TRMO: variants seen among roughly 807,000 people sequenced by gnomAD.
TRMO encodes the protein tRNA methyltransferase O.
Under a neutral mutation model 37.2 loss-of-function variants are expected in TRMO, and 30 were observed. The observed-to-expected ratio is 0.81, with a 90% CI of 0.60 to 1.09. The LOEUF is 1.09. TRMO is among the 50% of genes least tolerant of loss of function. The pLI is 0.00. For synonymous variants in TRMO, 239 were observed against 199.4 expected, an observed-to-expected ratio of 1.20 and a Z score of -1.67; for missense variants, 552 against 549.5, an observed-to-expected ratio of 1.00 and a Z score of -0.05.
chr9:97,922,449 C>T lies in TRMO; in HGVS notation c.45G>A (p.Pro15=), dbSNP rs139234146. ...EESGPRPTAT[P]CGCVKPALET... ...CCAGAGCCGGCTTAACGCAGCCGCA[C>T]GGGGTCGCTGTAGGCCGAGGCCCCG... The change falls in exon 1 of 5, where the codon CCG becomes CCA. Residue 15 remains proline (P), a synonymous_variant. Transcript: ENST00000375119. The T allele has an allele frequency of 5.0e-6, 8 of 1,588,180 alleles. No homozygotes were observed. In the East Asian group the frequency reaches 1.4e-4, roughly 27 times the overall value.
chr9:97,901,757 TAAAAA>T, downstream of TRMO, among the ~76,000 whole-genome samples: 1 of 144,640 alleles, frequency 6.9e-6, no homozygotes, highest in African/African-American at 2.5e-5. Context: ...TCTCAAAGGC[TAAAAA>T]AAAAAAAAGC....
chr9:97,920,041 T>C (rs1286013823), intron 1 of TRMO, among the ~76,000 whole-genome samples: 1 of 152,222 alleles, frequency 6.6e-6, no homozygotes, highest in Non-Finnish European at 1.5e-5. Context: ...ATAAATGCTA[T>C]TTGAAGCAGA....
chr9:97,922,199 A>G (rs926569524), intron 1 of TRMO, among the ~76,000 whole-genome samples: 1 of 152,242 alleles, frequency 6.6e-6, no homozygotes, highest in Non-Finnish European at 1.5e-5. Context: ...CGCAGACAGT[A>G]CAAGTCTTAT....
downstream of TRMO, among the ~76,000 whole-genome samples, chr9:97,902,311 T>G (rs925428464): frequency 2.6e-5 from 4 of 151,902 alleles, no homozygotes; most frequent in South Asian, 2.1e-4. Context: ...TTTTTGTGGG[T>G]TTTTTTTGAG....
intron 4 of TRMO, among the ~76,000 whole-genome samples, chr9:97,906,912 A>G (rs901254132): frequency 6.6e-6 from 1 of 152,164 alleles, no homozygotes; most frequent in African/African-American, 2.4e-5. Context: ...AGTAGTTTGC[A>G]TTAGACAATA....
rs1231903743 is a variant in TRMO, at chr9:97,909,981, G to C, written c.1045C>G (p.Leu349Val). The C allele has an allele frequency of 1.9e-6, 3 of 1,550,778 alleles. No individual in the cohort carries two copies. Among genetic ancestry groups the C allele is most frequent in the Non-Finnish European group, 2.6e-6 (3 of 1,149,568 alleles). ...ATACCTTGTGAACTGAGCTGCCCAAGGTCCATCTCGGCATGAGGAGTAAAC... is the reference window on the plus strand; with the variant it reads ...ATACCTTGTGAACTGAGCTGCCCAACGTCCATCTCGGCATGAGGAGTAAAC... Reference protein sequence around the residue: ...VRFTPHAEMDLGQLSSQDVGQ... With the variant: ...VRFTPHAEMDVGQLSSQDVGQ... The change falls in exon 4 of 5, where the codon CTT (leucine) becomes GTT (valine). Residue 349 changes from leucine to valine, a missense_variant. Leu to Val is a conservative substitution (Grantham distance 32). Coordinates refer to ENST00000375119, the MANE Select transcript of TRMO (RefSeq NM_016481.5).
the TRMO span, among the ~76,000 whole-genome samples, chr9:97,898,717 C>G: frequency 1.3e-5 from 2 of 151,880 alleles, no homozygotes; most frequent in East Asian, 1.9e-4. Context: ...ATATAAACAT[C>G]CCTATTATAT....
At chr9:97,908,399 G>C (rs540242537) in intron 4 of TRMO, among the ~76,000 whole-genome samples, 7 of 136,726 alleles carry the variant, frequency 5.1e-5, no homozygotes, top group Non-Finnish European at 4.6e-5. Flanking sequence ...GCGACAGAGC[G>C]AGACTCCGTC....
intron 4 of TRMO, among the ~76,000 whole-genome samples, chr9:97,907,497 A>G (rs1325633801): frequency 1.3e-5 from 2 of 152,136 alleles, no homozygotes; most frequent in African/African-American, 4.8e-5. Flanking sequence ...AAAGCAGGGG[A>G]AAATCTAGTA....
At chr9:97,898,282 G>C in the TRMO span, among the ~76,000 whole-genome samples, 4 of 152,212 alleles carry the variant, frequency 2.6e-5, no homozygotes, top group Non-Finnish European at 4.4e-5. Flanking sequence ...GAAAGGATAA[G>C]AATAGGGTAA....
At chr9:97,908,721 T>G (rs570928197) in intron 4 of TRMO, among the ~76,000 whole-genome samples, 2 of 152,358 alleles carry the variant, frequency 1.3e-5, no homozygotes, top group Non-Finnish European at 2.9e-5. Context: ...TATTATACTT[T>G]TAATTTGTCT....
At chr9:97,908,829 T>C (rs1441849688) in intron 4 of TRMO, among the ~76,000 whole-genome samples, 2 of 152,224 alleles carry the variant, frequency 1.3e-5, no homozygotes, top group African/African-American at 4.8e-5. Flanking sequence ...CAATGTCTGG[T>C]ACCTAGCAGA....
chr9:97,897,487 CA>C, the TRMO span, among the ~76,000 whole-genome samples: 7 of 152,152 alleles, frequency 4.6e-5, no homozygotes, highest in African/African-American at 1.7e-4. Context: ...CAGGTAGTGC[CA>C]AAACAGGCTG....
intron 4 of TRMO, 92 bp downstream of exon 4, chr9:97,909,868 C>T (rs1826026633): frequency 1.1e-6 from 1 of 916,914 alleles, no homozygotes; most frequent in Non-Finnish European, 1.7e-6. Flanking sequence ...TACTGACAAA[C>T]ACTCCACATA....
the TRMO span, among the ~76,000 whole-genome samples, chr9:97,899,430 G>GTATTTATTTATT: frequency 1.5e-3 from 228 of 149,492 alleles, no homozygotes; most frequent in African/African-American, 5.4e-3. Context: ...TTTTATGTAC[G>GTATTTATTTATT]TATTTATTTA....
intron 4 of TRMO, among the ~76,000 whole-genome samples, chr9:97,905,460 C>T (rs1376947178): frequency 6.6e-6 from 1 of 152,172 alleles, no homozygotes. Context: ...GCGAGAGAGG[C>T]TGCACCAGAA....
In TRMO at chr9:97,916,344, G is replaced by A. The variant is rs1248389913; in HGVS notation, c.77-6C>T. 1 of 1,590,030 alleles carries A rather than the reference G, an allele frequency of 6.3e-7. No homozygotes were observed. Among genetic ancestry groups the A allele is most frequent in the African/African-American group, 1.4e-5 (1 of 73,486 alleles). ...TGGCTCAGTTAAAAGATTCCCTACA[G>A]GAGAAAATTAGGTAAAAAGTTATTA... On this transcript the variant is annotated splice_region_variant and splice_polypyrimidine_tract_variant and intron_variant, in intron 1 of 4. Transcript: ENST00000375119.
At position 97,904,525 on chromosome 9, in the gene TRMO, G is replaced by A; in HGVS notation, c.*208C>T. 1 of 1,381,298 alleles carries A rather than the reference G, an allele frequency of 7.2e-7. No individual in the cohort carries two copies. Among genetic ancestry groups the A allele is most frequent in the South Asian group, 1.8e-5 (1 of 56,128 alleles). The allele number at this position is 1,381,298 out of a possible 1,614,324, so 85.6% of individuals were successfully genotyped here. A position where few individuals can be genotyped will look rare whatever the true frequency, so the allele number is the denominator to read the frequency against. ...TTCTTTAATATCAACAGATCAAAAAGCATTTGGTGATTTCTCTGTATTTTA... is the reference window on the plus strand; with the variant it reads ...TTCTTTAATATCAACAGATCAAAAAACATTTGGTGATTTCTCTGTATTTTA... On this transcript the variant is annotated 3_prime_UTR_variant, in exon 5 of 5. Coordinates refer to ENST00000375119, the MANE Select transcript of TRMO (RefSeq NM_016481.5).
downstream of TRMO, chr9:97,900,819 C>T (rs1401272612): frequency 4.6e-6 from 3 of 645,492 alleles, no homozygotes; most frequent in Non-Finnish European, 5.8e-6. Flanking sequence ...GGTTGATTCA[C>T]GTCAACTTCA....
Sources: gnomAD v4.1 joint callset for allele counts (sites outside exome capture counted in the v4.1 genomes callset) on GRCh38, gnomAD v4.1.1 for gene constraint, MANE v1.5 for transcripts, NCBI Gene and HGNC (gene_info 2026-07-23, HGNC 2026-07-21) for gene names.